The following PARD3B variants were observed in gnomAD, a reference collection of about 807,000 sequenced individuals.
PARD3B encodes par-3 family cell polarity regulator beta, also known as partitioning defective 3 homolog B.
In PARD3B, 103 loss-of-function variants were observed where a neutral mutation model predicts 130.2. The ratio of observed to expected loss-of-function variants is 0.79; its 90% confidence interval spans 0.67 to 0.93. PARD3B has a LOEUF of 0.93. Among genes scored for constraint, PARD3B ranks in the 40% least tolerant of loss-of-function variants. The pLI is 0.00. For missense variants in PARD3B, 1,609 were observed against 1,499.2 expected, an observed-to-expected ratio of 1.07 and a Z score of -1.21; for synonymous variants, 583 against 553.2, an observed-to-expected ratio of 1.05 and a Z score of -0.76.
At chr2:205,082,786 C>A (rs893389510) in intron 4 of PARD3B, among the ~76,000 whole-genome samples, 1 of 151,950 alleles carries the variant, frequency 6.6e-6, no homozygotes, top group Non-Finnish European at 1.5e-5. Context: ...GATTAAATAT[C>A]TTCAGGCCAA....
intron 18 of PARD3B, among the ~76,000 whole-genome samples, chr2:205,373,921 A>C (rs1490787577): frequency 6.6e-6 from 1 of 152,200 alleles, no homozygotes; most frequent in East Asian, 1.9e-4. Flanking sequence ...CATTAAATTC[A>C]TCACTGATGT....
At chr2:205,319,375 G>A (rs765848890) in intron 18 of PARD3B, among the ~76,000 whole-genome samples, 4 of 152,154 alleles carry the variant, frequency 2.6e-5, no homozygotes, top group Non-Finnish European at 4.4e-5. Context: ...TATTTCTGAT[G>A]GGCCATCTCT....
Position 205,572,616 on chromosome 2 carries a change from G to A in PARD3B, c.3260+19213G>A, listed in dbSNP as rs1347704092. On this transcript the variant is annotated intron_variant, in intron 22 of 22. Transcript: ENST00000406610. This position sits in a 1 kb window ranked among gnomAD's most constrained non-coding sequence, Gnocchi z 4.2. ...AAAAATTAGCCGGGCATAGTGGTGG[G>A]CACCTGTAGTCCCAGTTACTCGGGA... is the stretch of plus-strand genomic sequence containing the variant. Among the ~76,000 whole-genome samples, 1 of 152,126 alleles carries A rather than the reference G, an allele frequency of 6.6e-6. No homozygotes were observed. The highest frequency in any genetic ancestry group is 2.4e-5 in the African/African-American group (1 of 41,440).
At position 204,551,134 on chromosome 2, in the gene PARD3B, A is replaced by G. The variant is rs2030425885; in HGVS notation, c.120+5015A>G. ...GCATTGAGCAGCTTCTAAGTTTGCAAACAGAGGGCTCGTGGGGCCTGCTGT... is the reference window on the plus strand; with the variant it reads ...GCATTGAGCAGCTTCTAAGTTTGCAGACAGAGGGCTCGTGGGGCCTGCTGT... On this transcript the variant is annotated intron_variant, in intron 1 of 22. Transcript: ENST00000406610. Among the ~76,000 whole-genome samples, 5 of 152,190 alleles carry G rather than the reference A, an allele frequency of 3.3e-5. No individual in the cohort carries two copies. In the South Asian group the frequency reaches 1.0e-3, roughly 31 times the overall value.
chr2:204,774,948 G>T (rs753805365), intron 2 of PARD3B, among the ~76,000 whole-genome samples: 2 of 151,996 alleles, frequency 1.3e-5, no homozygotes. Context: ...AACTCTTTCC[G>T]CTTATGACAG....
chr2:205,122,170 C>T lies in PARD3B; in HGVS notation c.1165+221C>T, dbSNP rs1040082417. Among the ~76,000 whole-genome samples, 9 of 152,066 alleles carry T rather than the reference C, an allele frequency of 5.9e-5. No homozygotes were observed. The highest frequency in any genetic ancestry group is 2.2e-4 in the African/African-American group (9 of 41,392). On this transcript the variant is annotated intron_variant, in intron 8 of 22. Coordinates refer to ENST00000406610, the MANE Select transcript of PARD3B (RefSeq NM_001302769.2). This position sits in a 1 kb window ranked among gnomAD's most constrained non-coding sequence, Gnocchi z 4.3. ...ATTTTAAACAAGAAAATAATAAAGACATGTTGGGAAGTGGAAAGAATCATT... is the reference window on the plus strand; with the variant it reads ...ATTTTAAACAAGAAAATAATAAAGATATGTTGGGAAGTGGAAAGAATCATT...
intron 18 of PARD3B, among the ~76,000 whole-genome samples, chr2:205,347,351 C>G (rs2043832058): frequency 6.6e-6 from 1 of 152,038 alleles, no homozygotes; most frequent in Non-Finnish European, 1.5e-5. Context: ...GTAAAATAAC[C>G]CCTTAAAATT....
At chr2:205,425,987 ATATG>A (rs1447012041) in intron 19 of PARD3B, among the ~76,000 whole-genome samples, 2 of 152,166 alleles carry the variant, frequency 1.3e-5, no homozygotes, top group African/African-American at 4.8e-5. Context: ...GTACAGAAAT[ATATG>A]TATTATTTTT....
At chr2:204,722,272 T>C (rs763122043) in intron 2 of PARD3B, among the ~76,000 whole-genome samples, 3 of 152,210 alleles carry the variant, frequency 2.0e-5, no homozygotes, top group Non-Finnish European at 2.9e-5. Flanking sequence ...TTGGTCAAGA[T>C]GTTCTATGAA....
rs80119103 is a variant in PARD3B at position 205,615,629 on chromosome 2, C to A, written c.3434C>A (p.Pro1145His). The change falls in exon 23 of 23, where the codon CCC (proline) becomes CAC (histidine). Residue 1145 changes from proline to histidine, a missense_variant. By Grantham distance (77) the Pro-to-His change is moderately conservative. Coordinates refer to ENST00000406610, the MANE Select transcript of PARD3B (RefSeq NM_001302769.2). ...ADLRYPQHYP[P>H]PPAPQHKGPF... The stretch of plus-strand genomic sequence containing the variant: ...CTCCGGTATCCTCAGCACTACCCAC[C>A]CCCGCCAGCTCCCCAGCACAAAGGA... The A allele has an allele frequency of 4.1e-3, 6,608 of 1,614,050 alleles. 217 individuals are homozygous for A. In the African/African-American group the frequency reaches 0.072, roughly 18 times the overall value.
chr2:204,720,337 T>G (rs922106192), intron 2 of PARD3B, among the ~76,000 whole-genome samples: 4 of 152,174 alleles, frequency 2.6e-5, no homozygotes, highest in African/African-American at 9.6e-5. Flanking sequence ...GGCCATGAAC[T>G]GCGTTTTTGT....
intron 2 of PARD3B, among the ~76,000 whole-genome samples, chr2:204,771,328 G>C (rs1233409290): frequency 1.3e-5 from 2 of 152,038 alleles, no homozygotes; most frequent in African/African-American, 4.8e-5. Flanking sequence ...AAGCTGATGA[G>C]GTGTGGTGAC....
chr2:204,963,955 G>A (rs1390821281), intron 2 of PARD3B, among the ~76,000 whole-genome samples: 5 of 152,116 alleles, frequency 3.3e-5, no homozygotes, highest in African/African-American at 1.2e-4. Context: ...ATCCTTAATT[G>A]TATTCATTTC....
intron 2 of PARD3B, among the ~76,000 whole-genome samples, chr2:204,846,266 AG>A (rs2125596188): frequency 6.6e-6 from 1 of 152,160 alleles, no homozygotes; most frequent in Non-Finnish European, 1.5e-5. Context: ...TGGTGTGGGA[AG>A]GCAGTTGCTC....
Position 205,615,925 on chromosome 2 carries a change from A to G in PARD3B, c.*112A>G. The G allele has an allele frequency of 1.1e-6, 1 of 938,290 alleles. No homozygotes were observed. The highest frequency in any genetic ancestry group is 1.6e-6 in the Non-Finnish European group (1 of 613,104). 58.1% of individuals were successfully genotyped at this position (938,290 alleles called of 1,614,324 possible). A position where few individuals can be genotyped will look rare whatever the true frequency, so the allele number is the denominator to read the frequency against. Reference sequence around the variant, plus strand: ...TTAGGAATTCTCCATGTTACTGATAAGCTTTTTCTCACTGACATTGTAACG... The same window carrying G: ...TTAGGAATTCTCCATGTTACTGATAGGCTTTTTCTCACTGACATTGTAACG... On this transcript the variant is annotated 3_prime_UTR_variant, in exon 23 of 23. Transcript: ENST00000406610.
At chr2:205,518,845 T>TTTAGTTTAGCTGGATATAAAATTC (rs2050904688) in intron 21 of PARD3B, among the ~76,000 whole-genome samples, 1 of 152,178 alleles carries the variant, frequency 6.6e-6, no homozygotes. Context: ...GGAACCTTAG[T>TTTAGTTTAGCTGGATATAAAATTC]TTAGTTTAGC....
intron 20 of PARD3B, among the ~76,000 whole-genome samples, chr2:205,480,271 G>A (rs1457043532): frequency 2.0e-5 from 3 of 152,082 alleles, no homozygotes. Flanking sequence ...GGCTCTAGCT[G>A]TTTTCTCCAG....
At chr2:205,205,469 C>T (rs2037236402) in intron 15 of PARD3B, among the ~76,000 whole-genome samples, 2 of 152,154 alleles carry the variant, frequency 1.3e-5, no homozygotes, top group African/African-American at 2.4e-5. Flanking sequence ...CTGGCCAGAA[C>T]TTCCAATACT....
intron 18 of PARD3B, among the ~76,000 whole-genome samples, chr2:205,350,613 T>G (rs1456886198): frequency 2.0e-5 from 3 of 152,232 alleles, no homozygotes; most frequent in African/African-American, 7.2e-5. Context: ...TCTTCTCCTT[T>G]ATTGTCTTTT....
Sources: gnomAD v4.1 joint callset for allele counts (sites outside exome capture counted in the v4.1 genomes callset) on GRCh38, gnomAD v4.1.1 for gene constraint, Gnocchi (gnomAD v3.1) non-coding constraint, MANE v1.5 for transcripts, NCBI Gene and HGNC (gene_info 2026-07-23, HGNC 2026-07-21) for gene names.